Variants in TMTC1 observed in about 807,000 individuals in gnomAD.
TMTC1 encodes protein O-mannosyl-transferase TMTC1.
In TMTC1, 73 loss-of-function variants were observed where a neutral mutation model predicts 104.8. The ratio of observed to expected loss-of-function variants is 0.70; its 90% CI spans 0.58 to 0.85. The LOEUF is 0.85. Among genes scored for constraint, TMTC1 ranks in the 40% least tolerant of loss-of-function variants. TMTC1 has a pLI of 0.00. For missense variants in TMTC1, 1,035 were observed against 1,096.1 expected, an observed-to-expected ratio of 0.94 and a Z score of 0.79; for synonymous variants, 434 against 428.7, an observed-to-expected ratio of 1.01 and a Z score of -0.15.
At chr12:29,701,028 CT>C (rs761664217) in intron 5 of TMTC1, among the ~76,000 whole-genome samples, 3,356 of 142,726 alleles carry the variant, frequency 0.024, 51 homozygotes, top group Middle Eastern at 0.048. Context: ...GAATTTCTTT[CT>C]TTTTTTTTTT....
chr12:29,531,239 C>T (rs1465990485), intron 11 of TMTC1, among the ~76,000 whole-genome samples: 1 of 152,068 alleles, frequency 6.6e-6, no homozygotes, highest in African/African-American at 2.4e-5. Context: ...GGTCTTCGTC[C>T]AAGTTGACTT....
chr12:29,775,990 A>C (rs990453158), intron 1 of TMTC1, among the ~76,000 whole-genome samples: 1 of 152,120 alleles, frequency 6.6e-6, no homozygotes, highest in African/African-American at 2.4e-5. Context: ...AGAATCCAGC[A>C]CGAAGACCAG....
rs530847334 is a variant in TMTC1 at position 29,643,564 on chromosome 12, TA to T, written c.939-10229del. 8.3e-3 allele frequency among the ~76,000 whole-genome samples: 675 copies of T among 81,322 alleles called. 21 individuals are homozygous for T. Among genetic ancestry groups the T allele is most frequent in the African/African-American group, 0.034 (652 of 19,062 alleles). The allele number at this position is 81,322 out of a possible 152,430, so 53.4% of individuals were successfully genotyped here. ...TATATCACATATATGTTATATATTA[TA>T]ATATATAATATATGTCATATATAAA... On this transcript the variant is annotated intron_variant, in intron 5 of 17. Coordinates refer to ENST00000539277, the MANE Select transcript of TMTC1 (RefSeq NM_001193451.2).
At chr12:29,632,440 C>A (rs951159013) in intron 6 of TMTC1, among the ~76,000 whole-genome samples, 1 of 152,244 alleles carries the variant, frequency 6.6e-6, no homozygotes, top group Admixed American at 6.5e-5. Flanking sequence ...CCTGTGATAG[C>A]GAGTTAGTTC....
rs1941317472 is a variant in TMTC1 at position 29,693,246 on chromosome 12, CATA to C, written c.938+58417_938+58419del. Among the ~76,000 whole-genome samples, 3 of 144,270 alleles carry C rather than the reference CATA, an allele frequency of 2.1e-5. 1 individual carries two copies. The highest frequency in any genetic ancestry group is 4.5e-5 in the Non-Finnish European group (3 of 65,980). 94.6% of individuals were successfully genotyped at this position (144,270 alleles called of 152,430 possible). On this transcript the variant is annotated intron_variant, in intron 5 of 17. Transcript: ENST00000539277. ...AAGTTCTTGTTTTTTAAAATTGACA[CATA>C]ATAATTATACATATTTATGAGGTAC...
chr12:29,584,844 G>A (rs1463323110), intron 7 of TMTC1, among the ~76,000 whole-genome samples: 3 of 150,172 alleles, frequency 2.0e-5, no homozygotes, highest in Admixed American at 6.6e-5. Flanking sequence ...TATCATTGTT[G>A]GACATTTGGG....
chr12:29,647,906 T>G lies in TMTC1; in HGVS notation c.939-14570A>C, dbSNP rs1939340043. Among the ~76,000 whole-genome samples, 4 of 152,226 alleles carry G rather than the reference T, an allele frequency of 2.6e-5. No individual in the cohort carries two copies. The South Asian group carries it at 6.2e-4, about 24-fold the overall frequency. On this transcript the variant is annotated intron_variant, in intron 5 of 17. Coordinates refer to ENST00000539277, the MANE Select transcript of TMTC1 (RefSeq NM_001193451.2). ...CTTCCATCAAGTGTAGGCTGCTTTA[T>G]GTCCTATCCCCTTCAAACTGGTAAG...
chr12:29,551,102 T>C (rs1199671218), intron 10 of TMTC1, among the ~76,000 whole-genome samples: 1 of 150,940 alleles, frequency 6.6e-6, no homozygotes, highest in Non-Finnish European at 1.5e-5. Context: ...GGGTGCAGAG[T>C]GGGGGATAGA....
intron 5 of TMTC1, among the ~76,000 whole-genome samples, chr12:29,645,806 G>T (rs536938554): frequency 1.3e-5 from 2 of 152,162 alleles, no homozygotes; most frequent in South Asian, 4.1e-4. Context: ...GAATCCTGTT[G>T]GTCTATTAAT....
chr12:29,539,563 A>G (rs1015725519), intron 10 of TMTC1, among the ~76,000 whole-genome samples: 1 of 152,208 alleles, frequency 6.6e-6, no homozygotes, highest in Non-Finnish European at 1.5e-5. Context: ...TAGCATTCCA[A>G]ACATACCCAG....
chr12:29,719,393 C>T (rs1229692020), intron 5 of TMTC1, among the ~76,000 whole-genome samples: 1 of 152,098 alleles, frequency 6.6e-6, no homozygotes, highest in Non-Finnish European at 1.5e-5. Context: ...AGTACAAAAC[C>T]CAGGAGTATG....
chr12:29,660,777 T>A (rs1293997427), intron 5 of TMTC1: 12 of 212,778 alleles, frequency 5.6e-5, no homozygotes, highest in Non-Finnish European at 8.7e-5. Context: ...ATTTCAAAAG[T>A]ATATATATAT....
At chr12:29,663,026 G>A (rs1452839834) in intron 5 of TMTC1, among the ~76,000 whole-genome samples, 2 of 152,152 alleles carry the variant, frequency 1.3e-5, no homozygotes, top group Non-Finnish European at 2.9e-5. Flanking sequence ...CAACCCACGG[G>A]GATAGCTACT....
intron 5 of TMTC1, among the ~76,000 whole-genome samples, chr12:29,746,357 T>A (rs1399258389): frequency 6.6e-6 from 1 of 152,214 alleles, no homozygotes; most frequent in Non-Finnish European, 1.5e-5. Context: ...TTATTATTCA[T>A]CAATAATACA....
At chr12:29,560,481 G>A (rs866546307) in intron 9 of TMTC1, among the ~76,000 whole-genome samples, 6 of 152,156 alleles carry the variant, frequency 3.9e-5, no homozygotes, top group East Asian at 1.9e-4. Flanking sequence ...GTATGGGGCC[G>A]GGTGAGGTGG....
intron 5 of TMTC1, among the ~76,000 whole-genome samples, chr12:29,686,227 T>C (rs1205163885): frequency 2.0e-5 from 3 of 152,212 alleles, no homozygotes; most frequent in Non-Finnish European, 4.4e-5. Context: ...CTCCAATCCC[T>C]TCTGCAGCTC....
intron 9 of TMTC1, 66 bp downstream of exon 9, chr12:29,572,039 G>A: frequency 7.9e-7 from 1 of 1,263,704 alleles, no homozygotes; most frequent in Non-Finnish European, 1.2e-6. Flanking sequence ...ATACTGGGAG[G>A]GCCAAGTGAA....
At chr12:29,603,126 C>T (rs151317961) in intron 7 of TMTC1, among the ~76,000 whole-genome samples, 193 of 152,196 alleles carry the variant, frequency 1.3e-3, no homozygotes, top group African/African-American at 4.4e-3. Flanking sequence ...GCACTCATCT[C>T]CTTCCCAAAT....
At chr12:29,742,940 AAGG>A (rs1942864837) in intron 5 of TMTC1, among the ~76,000 whole-genome samples, 2 of 152,250 alleles carry the variant, frequency 1.3e-5, no homozygotes, top group Non-Finnish European at 2.9e-5. Flanking sequence ...CAGCAAAGAA[AAGG>A]TGAATGGTGT....
Sources: gnomAD v4.1 joint callset for allele counts (sites outside exome capture counted in the v4.1 genomes callset) on GRCh38, gnomAD v4.1.1 for gene constraint, MANE v1.5 for transcripts, NCBI Gene and HGNC (gene_info 2026-07-23, HGNC 2026-07-21) for gene names.